The following SYNPO2 variants were observed in gnomAD, a reference collection of about 807,000 sequenced individuals.
SYNPO2 encodes the protein synaptopodin-2.
A neutral mutation model predicts 85.0 loss-of-function variants in SYNPO2; 56 were observed. The observed-to-expected ratio is 0.66, with a 90% CI of 0.53 to 0.82. The LOEUF (loss-of-function observed/expected upper bound fraction) is 0.82, where lower values mean the gene tolerates loss of function less well. SYNPO2 is among the 40% of genes least tolerant of loss of function. SYNPO2 has a pLI of 0.00. For synonymous variants in SYNPO2, 602 were observed against 591.1 expected (o/e 1.02, Z -0.27); for missense variants, 1,575 against 1,534.2 (o/e 1.03, Z -0.44).
chr4:118,916,331 C>T (rs1733322725), intron 1 of SYNPO2, among the ~76,000 whole-genome samples: 1 of 151,944 alleles, frequency 6.6e-6, no homozygotes, highest in African/African-American at 2.4e-5. Flanking sequence ...CACCACCACA[C>T]CCAGCTGATT....
At chr4:119,002,615 T>C (rs1302452808) in intron 1 of SYNPO2, among the ~76,000 whole-genome samples, 11 of 152,180 alleles carry the variant, frequency 7.2e-5, no homozygotes, top group Non-Finnish European at 1.6e-4. Context: ...TTGGTGACTC[T>C]CTGCCAGGTG....
chr4:119,020,453 A>G (rs912756061), intron 1 of SYNPO2, among the ~76,000 whole-genome samples: 1 of 152,206 alleles, frequency 6.6e-6, no homozygotes, highest in Non-Finnish European at 1.5e-5. Flanking sequence ...ATGTTTGGAT[A>G]ACAGGCAGCT....
intron 1 of SYNPO2, among the ~76,000 whole-genome samples, chr4:118,984,031 C>A (rs1435957357): frequency 6.6e-6 from 1 of 152,146 alleles, no homozygotes; most frequent in African/African-American, 2.4e-5. Flanking sequence ...TTCAGAATCC[C>A]CCTTCTACAT....
intron 1 of SYNPO2, among the ~76,000 whole-genome samples, chr4:118,882,757 C>T (rs1732128350): frequency 6.6e-6 from 1 of 150,462 alleles, no homozygotes; most frequent in African/African-American, 2.4e-5. Context: ...TTAGCTAATG[C>T]TGTAAGATGC....
chr4:118,941,958 G>A (rs935223643), intron 1 of SYNPO2, among the ~76,000 whole-genome samples: 1 of 152,174 alleles, frequency 6.6e-6, no homozygotes, highest in Non-Finnish European at 1.5e-5. Context: ...GGACATAGGA[G>A]CTATCCCTGG....
chr4:118,977,216 G>A (rs540090685), intron 1 of SYNPO2, among the ~76,000 whole-genome samples: 3 of 152,152 alleles, frequency 2.0e-5, no homozygotes, highest in African/African-American at 4.8e-5. Context: ...GCTAAGGCCC[G>A]GGGAGAAATC....
chr4:118,876,669 CTT>C (rs1274912332), intron 1 of SYNPO2, among the ~76,000 whole-genome samples: 177 of 2,978 alleles, frequency 0.059, 3 homozygotes, highest in Admixed American at 0.2. Context: ...CTTCCTTTCT[CTT>C]TCTTTCTTTC....
intron 1 of SYNPO2, among the ~76,000 whole-genome samples, chr4:118,963,800 C>A (rs1735194875): frequency 6.6e-6 from 1 of 152,104 alleles, no homozygotes; most frequent in Admixed American, 6.5e-5. Context: ...ATCCTCTGAC[C>A]AAACAACTTG....
rs1198081679 is a variant in SYNPO2, at chr4:119,029,828, T to TA, written c.1070-17_1070-16insA. ...CTCATCAGCTCAATATAATTTTTTT[T>TA]TTTTTGCTTTCCCTAGGGCTCAGGA... On this transcript the variant is annotated splice_polypyrimidine_tract_variant and intron_variant, in intron 3 of 4. Coordinates refer to ENST00000307142, the MANE Select transcript of SYNPO2 (RefSeq NM_133477.3). 6.6e-7 allele frequency: 1 copy of TA among 1,523,042 alleles called. No individual in the cohort carries two copies. The highest frequency in any genetic ancestry group is 8.8e-7 in the Non-Finnish European group (1 of 1,139,554). The allele number at this position is 1,523,042 out of a possible 1,614,324, so 94.3% of individuals were successfully genotyped here. A position where few individuals can be genotyped will look rare whatever the true frequency, so the allele number is the denominator to read the frequency against.
In SYNPO2 at chr4:119,030,834, G is replaced by T. The variant is rs775751999; in HGVS notation, c.2059G>T (p.Ala687Ser). 7 of 1,613,998 alleles carry T rather than the reference G, an allele frequency of 4.3e-6. No homozygotes were observed. In the South Asian group the frequency reaches 6.6e-5, roughly 15 times the overall value. ...AAAAAGAACAGGAATATTGCAGGAG[G>T]CCAAAAGGAGAAGCACGACAAAACC... ...PAKRTGILQE[A>S]KRRSTTKPMF... The change falls in exon 4 of 5, where the codon GCC (alanine) becomes TCC (serine). Residue 687 changes from alanine (A) to serine (S), a missense_variant. Physicochemically the swap from Ala to Ser is moderately conservative, Grantham distance 99. Around this residue, in one of 3 missense-constraint regions of SYNPO2, gnomAD observed 1,508 missense variants for 1,446.8 expected, o/e 1.04. Coordinates refer to ENST00000307142, the MANE Select transcript of SYNPO2 (RefSeq NM_133477.3).
chr4:118,924,436 A>C (rs1197748089), intron 1 of SYNPO2, among the ~76,000 whole-genome samples: 1 of 152,200 alleles, frequency 6.6e-6, no homozygotes, highest in African/African-American at 2.4e-5. Flanking sequence ...GGCCCTTAAG[A>C]GGGTGGAAAT....
chr4:118,889,014 T>G lies in SYNPO2; in HGVS notation c.-23T>G, dbSNP rs762404155. ...TTCGTCTGTCTCGTCAAGCTCTTCA[T>G]GCTGCCCAACTAAAAGGAAAACATG... On this transcript the variant is annotated 5_prime_UTR_variant, in exon 1 of 5. The change abolishes an upstream ATG in the 5' untranslated region. Coordinates refer to ENST00000307142, the MANE Select transcript of SYNPO2 (RefSeq NM_133477.3). 1.9e-6 allele frequency: 3 copies of G among 1,611,934 alleles called. No individual in the cohort carries two copies. Among genetic ancestry groups the G allele is most frequent in the Non-Finnish European group, 2.5e-6 (3 of 1,178,150 alleles).
In SYNPO2 at chr4:119,027,415, A is replaced by G. The variant is rs1371603249; in HGVS notation, c.1046A>G (p.His349Arg). ...PRSEKDHSRP[H>R]KHRARHARLR... ...TCGGAAAAAGATCACAGCAGACCTCACAAGCACCGAGCGCGGCATGCACGT... is the reference window on the plus strand; with the variant it reads ...TCGGAAAAAGATCACAGCAGACCTCGCAAGCACCGAGCGCGGCATGCACGT... The change falls in exon 3 of 5, where the codon CAC (histidine) becomes CGC (arginine). Residue 349 changes from histidine (H) to arginine (R), a missense_variant. Transcript: ENST00000307142. The G allele has an allele frequency of 1.9e-6, 3 of 1,603,372 alleles. No individual in the cohort carries two copies. The highest frequency in any genetic ancestry group is 2.6e-6 in the Non-Finnish European group (3 of 1,172,746).
At chr4:118,944,191 C>G (rs1734418212) in intron 1 of SYNPO2, among the ~76,000 whole-genome samples, 2 of 151,918 alleles carry the variant, frequency 1.3e-5, no homozygotes. Context: ...ATCAAGTGCA[C>G]ATTAAGTGTA....
chr4:118,995,190 C>G (rs1388928350), intron 1 of SYNPO2, among the ~76,000 whole-genome samples: 1 of 152,048 alleles, frequency 6.6e-6, no homozygotes, highest in African/African-American at 2.4e-5. Context: ...TTAGGATGAT[C>G]CCAGCCTGTA....
At chr4:119,039,750 C>T (rs993647153) in intron 4 of SYNPO2, among the ~76,000 whole-genome samples, 5 of 152,120 alleles carry the variant, frequency 3.3e-5, no homozygotes, top group Admixed American at 3.3e-4. Flanking sequence ...CCTCAAATTT[C>T]AGTAACAATA....
chr4:118,961,273 G>A (rs1023712624), intron 1 of SYNPO2, among the ~76,000 whole-genome samples: 20 of 152,016 alleles, frequency 1.3e-4, no homozygotes, highest in African/African-American at 2.9e-4. Flanking sequence ...CACTAGTGCC[G>A]AGGATGAGAA....
At chr4:118,875,253 T>C (rs1731882756) in intron 1 of SYNPO2, among the ~76,000 whole-genome samples, 1 of 152,246 alleles carries the variant, frequency 6.6e-6, no homozygotes, top group African/African-American at 2.4e-5. Flanking sequence ...TTATCCAGTC[T>C]ATCATTGATG....
intron 4 of SYNPO2, among the ~76,000 whole-genome samples, chr4:119,051,230 C>T (rs1037715789): frequency 3.5e-5 from 4 of 115,672 alleles, no homozygotes; most frequent in East Asian, 5.5e-4. Context: ...CGCTCTGTCG[C>T]CCAGGCTGGA....
Sources: allele counts gnomAD v4.1 joint callset (sites outside exome capture counted in the v4.1 genomes callset), GRCh38; gene constraint gnomAD v4.1.1; regional missense constraint gnomAD v4.1.1; transcripts MANE v1.5; gene names NCBI Gene and HGNC (gene_info 2026-07-23, HGNC 2026-07-21).